MACROD1: variants seen among roughly 807,000 people sequenced by gnomAD.
MACROD1 encodes ADP-ribose glycohydrolase MACROD1.
MACROD1 carries 31 observed loss-of-function variants against 41.4 expected under a neutral mutation model. That is an observed-to-expected ratio of 0.75 (90% CI 0.56 to 1.01). The LOEUF (loss-of-function observed/expected upper bound fraction) is 1.01, where lower values mean the gene tolerates loss of function less well. Ranked by LOEUF, MACROD1 falls within the 50% of genes least tolerant of loss-of-function variation. The probability of loss-of-function intolerance (pLI) is 0.00; values close to 1 mark genes in which losing one functional copy is unlikely to be tolerated. For missense variants in MACROD1, 473 were observed against 460.0 expected (o/e 1.03, Z -0.26); for synonymous variants, 252 against 203.4 (o/e 1.24, Z -2.03).
rs779615195 is a variant in MACROD1, at chr11:64,165,970, C to T, written c.25G>A (p.Gly9Ser). ...GCCGCGCGCAGCTGTGCCAGGCGGC[C>T]GGACAGTCGGCTCTGTAGAGACATG... MSLQSRLS[G>S]RLAQLRAAGQ... The change falls in exon 1 of 11, where the codon GGC (glycine) becomes AGC (serine). Residue 9 changes from glycine (G) to serine (S), a missense_variant. Physicochemically the swap from Gly to Ser is moderately conservative, Grantham distance 56. Transcript: ENST00000255681. 2 of 1,294,390 alleles carry T rather than the reference C, an allele frequency of 1.5e-6. No homozygotes were observed. Among genetic ancestry groups the T allele is most frequent in the South Asian group, 2.6e-5 (1 of 38,378 alleles). The allele number at this position is 1,294,390 out of a possible 1,614,324, so 80.2% of individuals were successfully genotyped here.
chr11:64,064,265 A>T lies in MACROD1; in HGVS notation c.518-48984T>A, dbSNP rs1365006679. Among the ~76,000 whole-genome samples the T allele has an allele frequency of 2.6e-5, 4 of 152,200 alleles. No homozygotes were observed. Among genetic ancestry groups the T allele is most frequent in the African/African-American group, 9.7e-5 (4 of 41,444 alleles). On this transcript the variant is annotated intron_variant, in intron 3 of 10. Coordinates refer to ENST00000255681, the MANE Select transcript of MACROD1 (RefSeq NM_014067.4). This position sits in a 1 kb window ranked among gnomAD's most constrained non-coding sequence, Gnocchi z 4.5. ...TAGGGTTGGGGACAAAAAGCAACCAAGCCACACCGTAGTCTCCACGTGCAG... is the reference window on the plus strand; with the variant it reads ...TAGGGTTGGGGACAAAAAGCAACCATGCCACACCGTAGTCTCCACGTGCAG...
At position 64,150,998 on chromosome 11, in the gene MACROD1, C is replaced by T. The variant is rs568493737; in HGVS notation, c.517+241G>A. The stretch of plus-strand genomic sequence containing the variant: ...GCCCAGTTTCAGCCCAGCTCTCCCC[C>T]TTCCCCGGCCACTAATGGGTCTCAG... On this transcript the variant is annotated intron_variant, in intron 3 of 10. Transcript: ENST00000255681. Among the ~76,000 whole-genome samples, 3 of 152,366 alleles carry T rather than the reference C, an allele frequency of 2.0e-5. No individual in the cohort carries two copies. The East Asian group carries it at 5.8e-4, about 29-fold the overall frequency.
intron 3 of MACROD1, among the ~76,000 whole-genome samples, chr11:64,087,779 C>T (rs564489393): frequency 1.5e-4 from 23 of 152,340 alleles, no homozygotes; most frequent in South Asian, 1.4e-3. Context: ...TCTGAATGAC[C>T]GGAGGCTGGA....
At chr11:63,999,156 G>A in intron 8 of MACROD1, 120 bp from the exon 9 acceptor site, 2 of 1,300,754 alleles carry the variant, frequency 1.5e-6, no homozygotes, top group African/African-American at 1.5e-5. Flanking sequence ...GGAGGCTCAC[G>A]GCTGTGTGCC....
intron 3 of MACROD1, chr11:64,116,509 A>C: frequency 6.2e-7 from 1 of 1,613,954 alleles, no homozygotes. Flanking sequence ...GATATCCCTG[A>C]TGATGCCACC....
chr11:64,085,657 A>C, intron 3 of MACROD1, among the ~76,000 whole-genome samples: 1 of 152,122 alleles, frequency 6.6e-6, no homozygotes, highest in East Asian at 1.9e-4. Flanking sequence ...GGCTGGGCCT[A>C]CCTGCCTTGG....
At chr11:64,135,861 C>A (rs1945324318) in intron 3 of MACROD1, among the ~76,000 whole-genome samples, 1 of 152,206 alleles carries the variant, frequency 6.6e-6, no homozygotes, top group Admixed American at 6.5e-5. Context: ...ACCAGGGAAG[C>A]CTCGTTGGCA....
At chr11:64,005,799 C>T (rs1400696650) in intron 4 of MACROD1, among the ~76,000 whole-genome samples, 1 of 152,174 alleles carries the variant, frequency 6.6e-6, no homozygotes, top group Admixed American at 6.5e-5. Flanking sequence ...TGGAGATGCC[C>T]CTGAGAAGGC....
chr11:64,151,005 G>A (rs557317681), intron 3 of MACROD1, among the ~76,000 whole-genome samples: 33 of 152,274 alleles, frequency 2.2e-4, no homozygotes, highest in African/African-American at 7.5e-4. Context: ...CCCCTTCCCC[G>A]GCCACTAATG....
chr11:64,085,558 C>G (rs989231811), intron 3 of MACROD1, among the ~76,000 whole-genome samples: 1 of 152,198 alleles, frequency 6.6e-6, no homozygotes, highest in African/African-American at 2.4e-5. Context: ...CTAAGTACGT[C>G]CCCTGCCGCC....
At chr11:64,144,608 C>T (rs890775389) in intron 3 of MACROD1, among the ~76,000 whole-genome samples, 2 of 151,856 alleles carry the variant, frequency 1.3e-5, no homozygotes, top group East Asian at 1.9e-4. Flanking sequence ...TTGGCTTCCC[C>T]GAGGAGGAGG....
intron 3 of MACROD1, among the ~76,000 whole-genome samples, chr11:64,026,946 C>T (rs1209692666): frequency 1.3e-5 from 2 of 152,202 alleles, no homozygotes; most frequent in Non-Finnish European, 1.5e-5. Context: ...TCTTTATTTC[C>T]TCTGGAGCCC....
intron 3 of MACROD1, among the ~76,000 whole-genome samples, chr11:64,093,940 CAGA>C (rs1485960663): frequency 1.3e-5 from 2 of 152,204 alleles, no homozygotes; most frequent in Non-Finnish European, 2.9e-5. Context: ...CCTTGCTCTG[CAGA>C]AGCAGAGGAT....
At chr11:64,097,045 G>A (rs1590903257) in intron 3 of MACROD1, among the ~76,000 whole-genome samples, 1 of 152,398 alleles carries the variant, frequency 6.6e-6, no homozygotes, top group South Asian at 2.1e-4. Flanking sequence ...CTCTTCAGGC[G>A]CCTGCCTGCT....
At chr11:64,016,001 T>A (rs1484217845) in intron 3 of MACROD1, among the ~76,000 whole-genome samples, 3 of 152,050 alleles carry the variant, frequency 2.0e-5, no homozygotes, top group Non-Finnish European at 2.9e-5. Flanking sequence ...GGTGTGAAGG[T>A]CAATGGAGAG....
Position 63,999,773 on chromosome 11 carries a change from G to C in MACROD1, c.665-10C>G. On this transcript the variant is annotated splice_polypyrimidine_tract_variant and intron_variant, in intron 5 of 10. Transcript: ENST00000255681. ...ACTGTGTGGATGACGTCTACGGGGG[G>C]CGACGGGGTCAGACCGGCGGGGGTC... 1 of 1,603,406 alleles carries C rather than the reference G, an allele frequency of 6.2e-7. No individual in the cohort carries two copies. The highest frequency in any genetic ancestry group is 8.5e-7 in the Non-Finnish European group (1 of 1,178,494).
chr11:64,118,927 TA>T (rs5792312), intron 3 of MACROD1: 18,221 of 156,554 alleles, frequency 0.12, 1,170 homozygotes, highest in Non-Finnish European at 0.16. Flanking sequence ...TGTAGTCGAT[TA>T]AAAAAAAAAA....
chr11:64,158,454 G>T (rs912207418), intron 1 of MACROD1, among the ~76,000 whole-genome samples: 15 of 152,148 alleles, frequency 9.9e-5, no homozygotes, highest in Non-Finnish European at 7.4e-5. Context: ...ATATTGCCCA[G>T]GCTGGTCTCG....
intron 3 of MACROD1, among the ~76,000 whole-genome samples, chr11:64,057,868 C>T (rs566365897): frequency 2.6e-5 from 4 of 152,332 alleles, no homozygotes; most frequent in East Asian, 1.9e-4. Flanking sequence ...AACCGAGGCA[C>T]GAATTCGTGA....
Sources: allele counts gnomAD v4.1 joint callset (sites outside exome capture counted in the v4.1 genomes callset), GRCh38; gene constraint gnomAD v4.1.1; non-coding constraint Gnocchi (gnomAD v3.1); transcripts MANE v1.5; gene names NCBI Gene and HGNC (gene_info 2026-07-23, HGNC 2026-07-21).